UNC13C: variants seen among roughly 807,000 people sequenced by gnomAD.
UNC13C encodes the protein protein unc-13 homolog C.
UNC13C carries 174 observed loss-of-function variants against 245.4 expected under a neutral mutation model. The observed-to-expected ratio is 0.71, with a 90% CI of 0.63 to 0.80. The LOEUF (loss-of-function observed/expected upper bound fraction) is 0.80, where lower values mean the gene tolerates loss of function less well. Ranked by LOEUF, UNC13C falls within the 30% of genes least tolerant of loss-of-function variation. UNC13C has a pLI of 0.00. For missense variants in UNC13C, 2,829 were observed against 2,602.9 expected (o/e 1.09, Z -1.89); for synonymous variants, 992 against 895.1 (o/e 1.11, Z -1.93).
chr15:53,967,768 A>T, the UNC13C span, among the ~76,000 whole-genome samples: 4 of 152,210 alleles, frequency 2.6e-5, no homozygotes, highest in African/African-American at 7.2e-5. Context: ...CCAAATGGAG[A>T]TAAATAACTA....
chr15:54,262,101 C>A (rs961330598), intron 8 of UNC13C, among the ~76,000 whole-genome samples: 2 of 152,046 alleles, frequency 1.3e-5, no homozygotes, highest in Non-Finnish European at 2.9e-5. Context: ...AAGTCTGATT[C>A]CTTTAGATGA....
At position 54,100,105 on chromosome 15, in the gene UNC13C, CAAAAAA is replaced by C. The variant is rs56058415; in HGVS notation, c.2984-42894_2984-42889del. ...TGGGCAAAAGAGTGATACTCTGTCT[CAAAAAA>C]AAAAAAAAAAAAAAAAAATTAAATT... On this transcript the variant is annotated intron_variant, in intron 2 of 32. Coordinates refer to ENST00000260323, the MANE Select transcript of UNC13C (RefSeq NM_001080534.3). Among the ~76,000 whole-genome samples the C allele has an allele frequency of 1.4e-3, 162 of 111,866 alleles. 2 individuals carry two copies. The highest frequency in any genetic ancestry group is 9.7e-3 in the Middle Eastern group (2 of 206). The allele number at this position is 111,866 out of a possible 152,430, so 73.4% of individuals were successfully genotyped here. A position where few individuals can be genotyped will look rare whatever the true frequency, so the allele number is the denominator to read the frequency against.
chr15:54,545,589 C>T (rs889516191), intron 26 of UNC13C, among the ~76,000 whole-genome samples: 2 of 152,018 alleles, frequency 1.3e-5, no homozygotes, highest in African/African-American at 4.8e-5. Context: ...TCTTAGTCTA[C>T]TTAATCTATA....
chr15:54,072,605 CTT>C (rs1898383024), intron 2 of UNC13C, among the ~76,000 whole-genome samples: 1 of 152,054 alleles, frequency 6.6e-6, no homozygotes, highest in Admixed American at 6.6e-5. Flanking sequence ...ACTACGTTTT[CTT>C]TTTTCATACT....
At chr15:54,043,026 A>G (rs559814884) in intron 2 of UNC13C, among the ~76,000 whole-genome samples, 1 of 152,116 alleles carries the variant, frequency 6.6e-6, no homozygotes, top group African/African-American at 2.4e-5. Context: ...CTCTATAAGG[A>G]AAGGCTTATA....
intron 13 of UNC13C, chr15:54,321,003 A>G (rs2038140713): frequency 1.6e-5 from 7 of 433,304 alleles, no homozygotes; most frequent in South Asian, 1.1e-4. Flanking sequence ...GCTGCCACCA[A>G]AGCCACACAG....
At chr15:53,937,129 AATC>A in the UNC13C span, among the ~76,000 whole-genome samples, 1 of 152,192 alleles carries the variant, frequency 6.6e-6, no homozygotes, top group Admixed American at 6.5e-5. Context: ...AGAAGCGAAA[AATC>A]ATGATAAAAC....
At chr15:54,567,532 G>A (rs1477536490) in intron 29 of UNC13C, among the ~76,000 whole-genome samples, 1 of 152,144 alleles carries the variant, frequency 6.6e-6, no homozygotes, top group Non-Finnish European at 1.5e-5. Context: ...ACATCAGCAT[G>A]ATCTCATTTG....
chr15:54,405,605 C>G (rs371409786), intron 18 of UNC13C, among the ~76,000 whole-genome samples: 3 of 152,054 alleles, frequency 2.0e-5, no homozygotes, highest in African/African-American at 2.4e-5. Context: ...TGAAAAAACA[C>G]TATTATGGAA....
At chr15:54,241,096 GT>G (rs2035839662) in intron 7 of UNC13C, among the ~76,000 whole-genome samples, 1 of 152,116 alleles carries the variant, frequency 6.6e-6, no homozygotes, top group African/African-American at 2.4e-5. Flanking sequence ...AGGCAAGATC[GT>G]TTAAACCAAG....
chr15:54,553,661 T>A (rs1377761116), intron 28 of UNC13C, among the ~76,000 whole-genome samples: 1 of 151,296 alleles, frequency 6.6e-6, no homozygotes, highest in South Asian at 2.1e-4. Flanking sequence ...TACTGCATGC[T>A]TTTTACTTGG....
At chr15:54,592,098 T>G (rs938385449) in intron 30 of UNC13C, among the ~76,000 whole-genome samples, 1 of 152,178 alleles carries the variant, frequency 6.6e-6, no homozygotes, top group Non-Finnish European at 1.5e-5. Flanking sequence ...CATGTATTTG[T>G]GTGGTTTTGA....
At chr15:53,865,398 T>C in the UNC13C span, among the ~76,000 whole-genome samples, 1 of 152,164 alleles carries the variant, frequency 6.6e-6, no homozygotes, top group East Asian at 1.9e-4. Context: ...CTGAGGCCTC[T>C]CTCCCTGGCT....
At chr15:54,491,639 G>A (rs1893707838) in intron 19 of UNC13C, among the ~76,000 whole-genome samples, 1 of 151,986 alleles carries the variant, frequency 6.6e-6, no homozygotes, top group African/African-American at 2.4e-5. Flanking sequence ...TTAATGTGGT[G>A]CCAAACAAAC....
At chr15:53,844,344 G>A in the UNC13C span, among the ~76,000 whole-genome samples, 130 of 152,290 alleles carry the variant, frequency 8.5e-4, no homozygotes, top group Non-Finnish European at 1.5e-3. Flanking sequence ...CAGCAAAGCA[G>A]ATTTTATTCA....
At chr15:53,931,415 C>T in the UNC13C span, among the ~76,000 whole-genome samples, 6 of 152,218 alleles carry the variant, frequency 3.9e-5, no homozygotes, top group South Asian at 6.2e-4. Flanking sequence ...GTGATCCACT[C>T]TTCTCGACTT....
At chr15:53,871,537 GA>G in the UNC13C span, among the ~76,000 whole-genome samples, 97 of 152,308 alleles carry the variant, frequency 6.4e-4, no homozygotes, top group African/African-American at 2.3e-3. Context: ...CAACTTGAGG[GA>G]AGGTCTATTT....
At chr15:54,262,836 G>A (rs2036461013) in intron 8 of UNC13C, among the ~76,000 whole-genome samples, 1 of 151,944 alleles carries the variant, frequency 6.6e-6, no homozygotes, top group Non-Finnish European at 1.5e-5. Context: ...CTAGGAAACA[G>A]GTATTACACT....
intron 4 of UNC13C, among the ~76,000 whole-genome samples, chr15:54,195,029 G>A (rs1003851397): frequency 2.0e-5 from 3 of 152,092 alleles, no homozygotes; most frequent in Non-Finnish European, 2.9e-5. Context: ...AGAATATTGA[G>A]TTGGGTTAGC....
Sources: allele counts gnomAD v4.1 joint callset (sites outside exome capture counted in the v4.1 genomes callset), GRCh38; gene constraint gnomAD v4.1.1; transcripts MANE v1.5; gene names NCBI Gene and HGNC (gene_info 2026-07-23, HGNC 2026-07-21).